SIGLEC9: variants seen among roughly 807,000 people sequenced by gnomAD.
The protein encoded by SIGLEC9 is sialic acid-binding Ig-like lectin 9.
In SIGLEC9, 26 loss-of-function variants were observed where a neutral mutation model predicts 38.3. The observed-to-expected ratio is 0.68, with a 90% CI of 0.50 to 0.94. The LOEUF is 0.94. Among genes scored for constraint, SIGLEC9 ranks in the 40% least tolerant of loss-of-function variants. The pLI, the probability that SIGLEC9 is intolerant of heterozygous loss-of-function variation, is 0.00. For synonymous variants in SIGLEC9, 236 were observed against 248.0 expected, an observed-to-expected ratio of 0.95 and a Z score of 0.45; for missense variants, 556 against 585.7, an observed-to-expected ratio of 0.95 and a Z score of 0.52.
At chr19:51,124,305 C>T (rs1038067187), upstream of SIGLEC9, among the ~76,000 whole-genome samples, 5 of 152,102 alleles carry the variant, frequency 3.3e-5, no homozygotes, top group Non-Finnish European at 7.4e-5. Flanking sequence ...TCCCTCTGCT[C>T]AGTCCTCCTG....
chr19:51,125,473 C>G, intron 1 of SIGLEC9, 78 bp downstream of exon 1: 1 of 1,548,514 alleles, frequency 6.5e-7, no homozygotes, highest in Admixed American at 2.0e-5. Context: ...GAGCCCCTGC[C>G]CCAGGAGAGG....
rs774962205 is a variant in SIGLEC9 at position 51,125,584 on chromosome 19, C to G, written c.422-13C>G. On this transcript the variant is annotated splice_polypyrimidine_tract_variant and intron_variant, in intron 1 of 6. Coordinates refer to ENST00000250360, the MANE Select transcript of SIGLEC9 (RefSeq NM_014441.3). ...TCCTCTGACCTGATCCTGAGTCCCC[C>G]TCTCTTCACCAGCCTTGACCCACAG... 6.2e-7 allele frequency: 1 copy of G among 1,608,274 alleles called. No homozygotes were observed. The highest frequency in any genetic ancestry group is 8.5e-7 in the Non-Finnish European group (1 of 1,179,772).
At chr19:51,135,268 C>T (rs1291189041), downstream of SIGLEC9, among the ~76,000 whole-genome samples, 5 of 152,046 alleles carry the variant, frequency 3.3e-5, no homozygotes, top group East Asian at 3.9e-4. Flanking sequence ...AAGTCAGGTC[C>T]GGTGGTAATG....
intron 5 of SIGLEC9, 133 bp from the exon 6 acceptor site, chr19:51,128,281 C>T (rs1674889876): frequency 8.9e-7 from 1 of 1,127,336 alleles, no homozygotes. Context: ...CTTGGGGTCT[C>T]TAAGACTGGA....
chr19:51,126,149 T>C (rs1408842492), intron 3 of SIGLEC9, 21 bp downstream of exon 3: 1 of 1,610,510 alleles, frequency 6.2e-7, no homozygotes, highest in East Asian at 2.2e-5. Context: ...GCTCCCTCCC[T>C]GGGGCTGGAG....
At chr19:51,136,041 G>A (rs2092039510) in exon 7 of SIGLEC9, 7 of 703,562 alleles carry the variant, frequency 9.9e-6, no homozygotes, top group Non-Finnish European at 1.6e-5. Context: ...GATCTTTGTT[G>A]CCATCCAGAT....
At position 51,125,124 on chromosome 19, in the gene SIGLEC9, G is replaced by C. The variant is rs2091967746; in HGVS notation, c.150G>C (p.Trp50Cys). ...PCSFSYPSHG[W>C]IYPGPVVHGY... is the part of the protein sequence containing the mutation. ...CCTTCTCCTACCCCTCGCATGGCTG[G>C]ATTTACCCTGGCCCAGTAGTTCATG... The change falls in exon 1 of 7, where the codon TGG (tryptophan) becomes TGC (cysteine). Residue 50 changes from tryptophan (W) to cysteine (C), a missense_variant. Coordinates refer to ENST00000250360, the MANE Select transcript of SIGLEC9 (RefSeq NM_014441.3). The C allele has an allele frequency of 1.9e-6, 3 of 1,614,034 alleles. No individual in the cohort carries two copies. The highest frequency in any genetic ancestry group is 1.3e-5 in the African/African-American group (1 of 74,988).
rs1426448519 is a variant in SIGLEC9 at position 51,128,002 on chromosome 19, GC to G, written c.1072del (p.Leu358TrpfsTer12). The G allele has an allele frequency of 6.2e-7, 1 of 1,614,104 alleles. No individual in the cohort carries two copies. Among genetic ancestry groups the G allele is most frequent in the Admixed American group, 1.7e-5 (1 of 60,020 alleles). ...GGTGGTCGGGGGAGCTGGAGCCACA[GC>G]CCTGGTCTTCCTGTCCTTCTGCGTC... is the stretch of plus-strand genomic sequence containing the variant. ...QGVVGGAGAT[A>X]LVFLSFCVIF... On this transcript the variant is annotated frameshift_variant, in exon 5 of 7. Coordinates refer to ENST00000250360, the MANE Select transcript of SIGLEC9 (RefSeq NM_014441.3). LOFTEE classifies it high-confidence loss of function.
chr19:51,129,996 A>G lies in SIGLEC9; in HGVS notation c.1309A>G (p.Ser437Gly), dbSNP rs199797698. The change falls in exon 7 of 7, where the codon AGC becomes GGC. Residue 437 changes from serine to glycine, a missense_variant. By Grantham distance (56) the Ser-to-Gly change is moderately conservative. Transcript: ENST00000250360. ...AGGAGAGCTCCAGTATGCATCCCTCAGCTTCCAGATGGTGAAGCCTTGGGA... is the reference window on the plus strand; with the variant it reads ...AGGAGAGCTCCAGTATGCATCCCTCGGCTTCCAGATGGTGAAGCCTTGGGA... ...GEGELQYASL[S>G]FQMVKPWDSR... is the part of the protein sequence containing the mutation. 643 of 1,614,032 alleles carry G rather than the reference A, an allele frequency of 4.0e-4. 3 individuals carry two copies. The East Asian group carries it at 0.014, about 35-fold the overall frequency.
downstream of SIGLEC9, among the ~76,000 whole-genome samples, chr19:51,130,719 C>T (rs982121867): frequency 2.6e-5 from 4 of 152,280 alleles, 1 homozygote; most frequent in Middle Eastern, 3.4e-3. Flanking sequence ...GAGCTCTCTC[C>T]GCACTGCTCA....
rs2091993834 is a variant in SIGLEC9, at chr19:51,128,515, G to C, written c.1203+5G>C. On this transcript the variant is annotated splice_donor_5th_base_variant and intron_variant, in intron 6 of 6. Transcript: ENST00000250360. ...GTCAGGGGTTCAGCCTCTCAGGTGA[G>C]TGATGTGGACTCTCCACAGCCAGCA... The C allele has an allele frequency of 6.2e-7, 1 of 1,612,968 alleles. No individual in the cohort carries two copies. Among genetic ancestry groups the C allele is most frequent in the East Asian group, 2.2e-5 (1 of 44,880 alleles).
chr19:51,121,156 T>A (rs1381870696), upstream of SIGLEC9, among the ~76,000 whole-genome samples: 1 of 151,692 alleles, frequency 6.6e-6, no homozygotes, highest in African/African-American at 2.4e-5. Context: ...GAGTATGAGT[T>A]TTTTTGTTTT....
intron 6 of SIGLEC9, among the ~76,000 whole-genome samples, chr19:51,129,146 G>GTTTT (rs750894593): frequency 7.3e-6 from 1 of 136,198 alleles, no homozygotes; most frequent in African/African-American, 3.0e-5. Flanking sequence ...GACTTTTTTT[G>GTTTT]TTTTTTTTTT....
rs2091973800 is a variant in SIGLEC9 at position 51,125,723 on chromosome 19, C to A, written c.548C>A (p.Thr183Asn). 7 of 1,613,924 alleles carry A rather than the reference C, an allele frequency of 4.3e-6. No homozygotes were observed. The highest frequency in any genetic ancestry group is 2.2e-5 in the South Asian group (2 of 91,088). ...CCCCCTATGATCTCCTGGATAGGGA[C>A]CTCCGTGTCCCCCCTGGACCCCTCC... is the stretch of plus-strand genomic sequence containing the variant. ...GTPPMISWIG[T>N]SVSPLDPSTT... The change falls in exon 2 of 7, where the codon ACC becomes AAC. Residue 183 changes from threonine to asparagine, a missense_variant. By Grantham distance (65) the Thr-to-Asn change is moderately conservative. Coordinates refer to ENST00000250360, the MANE Select transcript of SIGLEC9 (RefSeq NM_014441.3).
At chr19:51,128,888 T>G (rs273692) in intron 6 of SIGLEC9, 40,686 of 192,622 alleles carry the variant, frequency 0.21, 4,947 homozygotes, top group East Asian at 0.55. Flanking sequence ...AAATACTATC[T>G]GTCAGGGACA....
chr19:51,133,999 T>A (rs922335908), downstream of SIGLEC9, among the ~76,000 whole-genome samples: 2 of 152,112 alleles, frequency 1.3e-5, no homozygotes, highest in African/African-American at 4.8e-5. Context: ...GTTTCACTTA[T>A]ATGAAGTTCA....
intron 5 of SIGLEC9, 149 bp from the exon 6 acceptor site, chr19:51,128,265 C>G: frequency 1.0e-6 from 1 of 994,552 alleles, no homozygotes; most frequent in East Asian, 2.5e-5. Flanking sequence ...AGCCTCTGTT[C>G]TCAACCTTGG....
At chr19:51,126,324 A>G (rs904335557) in intron 3 of SIGLEC9, among the ~76,000 whole-genome samples, 196 bp downstream of exon 3, 1 of 129,546 alleles carries the variant, frequency 7.7e-6, no homozygotes, top group African/African-American at 2.9e-5. Flanking sequence ...TCCCCCACAC[A>G]CCCCCCCCTC....
Position 51,130,163 on chromosome 19 carries a change from A to G in SIGLEC9, c.*84A>G. 1 of 1,507,330 alleles carries G rather than the reference A, an allele frequency of 6.6e-7. No homozygotes were observed. The highest frequency in any genetic ancestry group is 8.9e-7 in the Non-Finnish European group (1 of 1,129,930). The allele number at this position is 1,507,330 out of a possible 1,614,324, so 93.4% of individuals were successfully genotyped here. A position where few individuals can be genotyped will look rare whatever the true frequency, so the allele number is the denominator to read the frequency against. ...TCAGAGGCTGATTCTTGTAGAATTA[A>G]CAGCCCTCAACGTGATGAGCTATGA... On this transcript the variant is annotated 3_prime_UTR_variant, in exon 7 of 7. Coordinates refer to ENST00000250360, the MANE Select transcript of SIGLEC9 (RefSeq NM_014441.3).
Sources: allele counts gnomAD v4.1 joint callset (sites outside exome capture counted in the v4.1 genomes callset), GRCh38; gene constraint gnomAD v4.1.1; transcripts MANE v1.5; gene names NCBI Gene and HGNC (gene_info 2026-07-23, HGNC 2026-07-21).